FAM234B: variants seen among roughly 807,000 people sequenced by gnomAD.
FAM234B encodes protein FAM234B.
FAM234B carries 33 observed loss-of-function variants against 69.3 expected under a neutral mutation model. That is an observed-to-expected ratio of 0.48 (90% confidence interval 0.36 to 0.64). FAM234B has a LOEUF of 0.64. Ranked by LOEUF, FAM234B falls within the 30% of genes least tolerant of loss-of-function variation. FAM234B has a pLI of 0.00. For synonymous variants in FAM234B, 306 were observed against 306.9 expected, an observed-to-expected ratio of 1.00 and a Z score of 0.03; for missense variants, 697 against 769.7, an observed-to-expected ratio of 0.91 and a Z score of 1.12.
chr12:13,077,766 T>G (rs1177447594), intron 11 of FAM234B, among the ~76,000 whole-genome samples: 3 of 152,322 alleles, frequency 2.0e-5, no homozygotes, highest in Admixed American at 6.5e-5. Flanking sequence ...GCATGATTTA[T>G]AGTCTTTTGG....
chr12:13,068,506 A>C (rs1302371940), intron 8 of FAM234B, 59 bp downstream of exon 8: 14 of 1,603,180 alleles, frequency 8.7e-6, no homozygotes, highest in Non-Finnish European at 1.1e-5. Flanking sequence ...ATGTTTAAAA[A>C]TTGTCCAGGA....
chr12:13,058,549 G>C lies in FAM234B; in HGVS notation c.532G>C (p.Gly178Arg). 1 of 1,605,408 alleles carries C rather than the reference G, an allele frequency of 6.2e-7. No homozygotes were observed. Among genetic ancestry groups the C allele is most frequent in the Non-Finnish European group, 8.5e-7 (1 of 1,178,512 alleles). ...GATGTCAAGGAACGGGAGTGCAGTA[G>C]GTAAGAGACGTGTTTTTTTCAAGGC... ...FVMSRNGSAVGVSRPAANLVC... is the reference protein window; with the variant it reads ...FVMSRNGSAVRVSRPAANLVC... Residue 178 changes from glycine to arginine, a missense_variant and splice_region_variant, in exon 3 of 13, where the codon GGT (glycine) becomes CGT (arginine). Coordinates refer to ENST00000197268, the MANE Select transcript of FAM234B (RefSeq NM_020853.2).
chr12:13,065,169 A>G (rs1347734029), intron 5 of FAM234B, among the ~76,000 whole-genome samples: 1 of 152,156 alleles, frequency 6.6e-6, no homozygotes, highest in Non-Finnish European at 1.5e-5. Flanking sequence ...GCTTCCACTC[A>G]TTGTTCCAGC....
In FAM234B at chr12:13,044,673, CG is replaced by C. The variant is rs544689433; in HGVS notation, c.37+237del. On this transcript the variant is annotated intron_variant, in intron 1 of 12. Transcript: ENST00000197268. The surrounding 1 kb of genome is among the most constrained non-coding windows in gnomAD (Gnocchi z 5.6). ...GGCGCGGGGCGAACCCGGAGACGCG[CG>C]GGGAGAGGGCGCCGAGCAGGTGTTA... Among the ~76,000 whole-genome samples, 401 of 152,288 alleles carry C rather than the reference CG, an allele frequency of 2.6e-3. 1 individual carries two copies. Among genetic ancestry groups the C allele is most frequent in the African/African-American group, 9.2e-3 (384 of 41,566 alleles).
intron 11 of FAM234B, 125 bp downstream of exon 11, chr12:13,076,268 C>G: frequency 1.3e-6 from 1 of 752,796 alleles, no homozygotes; most frequent in Non-Finnish European, 2.3e-6. Context: ...CAGCAGGGCA[C>G]TTTCCCTGGT....
chr12:13,058,979 C>T (rs150611319), intron 3 of FAM234B, among the ~76,000 whole-genome samples: 332 of 152,318 alleles, frequency 2.2e-3, no homozygotes, highest in African/African-American at 7.8e-3. Flanking sequence ...ACACAAATAC[C>T]TCTTGGCCGG....
Position 13,082,942 on chromosome 12 carries a change from A to G in FAM234B, c.*2312A>G, listed in dbSNP as rs976974935. The G allele has an allele frequency of 1.3e-5, 2 of 152,222 alleles. No individual in the cohort carries two copies. Among genetic ancestry groups the G allele is most frequent in the Non-Finnish European group, 2.9e-5 (2 of 68,036 alleles). 9.4% of individuals were successfully genotyped at this position (152,222 alleles called of 1,614,324 possible). A position where few individuals can be genotyped will look rare whatever the true frequency, so the allele number is the denominator to read the frequency against. On this transcript the variant is annotated 3_prime_UTR_variant, in exon 13 of 13. Transcript: ENST00000197268. ...TAACATAGATTCTTTTGACTATGGT[A>G]AGTTTGAATCTCTCCTTGCCAAACA... is the stretch of plus-strand genomic sequence containing the variant.
intron 5 of FAM234B, among the ~76,000 whole-genome samples, chr12:13,066,011 C>T (rs529204392): frequency 6.6e-6 from 1 of 152,188 alleles, no homozygotes; most frequent in Non-Finnish European, 1.5e-5. Flanking sequence ...TGGCCCACTA[C>T]TTGTTTTTAT....
Position 13,048,230 on chromosome 12 carries a change from C to T in FAM234B, c.37+3790C>T, listed in dbSNP as rs535548585. Among the ~76,000 whole-genome samples the T allele has an allele frequency of 1.9e-4, 29 of 152,188 alleles. No homozygotes were observed. The South Asian group carries it at 2.3e-3, about 12-fold the overall frequency. On this transcript the variant is annotated intron_variant, in intron 1 of 12. Coordinates refer to ENST00000197268, the MANE Select transcript of FAM234B (RefSeq NM_020853.2). ...TCTGAGGACTTTTTAGATATTGCTC[C>T]GCTATCTTTTAATAGTGTATGTTAC...
chr12:13,077,148 T>G (rs765965373), intron 11 of FAM234B, among the ~76,000 whole-genome samples: 20 of 152,218 alleles, frequency 1.3e-4, no homozygotes, highest in Admixed American at 2.6e-4. Flanking sequence ...TGTGATTAGA[T>G]CTGAGTGAGC....
intron 10 of FAM234B, among the ~76,000 whole-genome samples, chr12:13,075,433 C>CTTTTTTTTTTTTT (rs59012504): frequency 7.3e-5 from 10 of 137,504 alleles, no homozygotes; most frequent in East Asian, 2.1e-4. Flanking sequence ...CTTTTCTTTT[C>CTTTTTTTTTTTTT]TTTTTTTTTT....
chr12:13,066,959 C>G, intron 6 of FAM234B, 172 bp downstream of exon 6: 1 of 896,744 alleles, frequency 1.1e-6, no homozygotes. Flanking sequence ...ACTCTGCCTT[C>G]CCTTGCTGCC....
At chr12:13,065,521 A>C (rs190398756) in intron 5 of FAM234B, among the ~76,000 whole-genome samples, 4 of 152,198 alleles carry the variant, frequency 2.6e-5, no homozygotes, top group Non-Finnish European at 4.4e-5. Context: ...ATTTTTTCTA[A>C]GATTTGCTTT....
In FAM234B at chr12:13,071,565, A is replaced by AC. The variant is rs1865107715; in HGVS notation, c.1524+170dup. 4.6e-5 allele frequency among the ~76,000 whole-genome samples: 7 copies of AC among 152,316 alleles called. No individual in the cohort carries two copies. The South Asian group carries it at 1.5e-3, about 32-fold the overall frequency. Reference sequence around the variant, plus strand: ...CAGGAACCCTGTGTCCTCCTGAGCCACACCTTTGCCTTTTAGCAGAGAATG... The same window carrying AC: ...CAGGAACCCTGTGTCCTCCTGAGCCACCACCTTTGCCTTTTAGCAGAGAATG... On this transcript the variant is annotated intron_variant, in intron 10 of 12. Transcript: ENST00000197268.
In FAM234B at chr12:13,067,176, T is replaced by C; in HGVS notation, c.1022T>C (p.Leu341Pro). Reference sequence around the variant, plus strand: ...CTAGGAAATATACAAGCTGTCGCACTGCGGGACATTTTTGTTCAGGCCCAA... The same window carrying C: ...CTAGGAAATATACAAGCTGTCGCACCGCGGGACATTTTTGTTCAGGCCCAA... ...FGFGNIQAVA[L>P]RDIFVQAQNR... The change falls in exon 7 of 13, where the codon CTG (leucine) becomes CCG (proline). Residue 341 changes from leucine (L) to proline (P), a missense_variant. Transcript: ENST00000197268. The surrounding 1 kb of genome is among the most constrained non-coding windows in gnomAD (Gnocchi z 4.7). 2.5e-6 allele frequency: 4 copies of C among 1,614,040 alleles called. No homozygotes were observed. The highest frequency in any genetic ancestry group is 1.1e-5 in the South Asian group (1 of 91,076).
Position 13,080,853 on chromosome 12 carries a change from C to A in FAM234B, c.*223C>A. The A allele has an allele frequency of 2.1e-6, 1 of 481,030 alleles. No individual in the cohort carries two copies. The highest frequency in any genetic ancestry group is 3.3e-5 in the East Asian group (1 of 30,378). 29.8% of individuals were successfully genotyped at this position (481,030 alleles called of 1,614,324 possible). A position where few individuals can be genotyped will look rare whatever the true frequency, so the allele number is the denominator to read the frequency against. On this transcript the variant is annotated 3_prime_UTR_variant, in exon 13 of 13. Coordinates refer to ENST00000197268, the MANE Select transcript of FAM234B (RefSeq NM_020853.2). ...ACCTTTTCAGTCCCTGCATTAATCC[C>A]CTCTAGGAACTCTGCGTGGATCGTT...
intron 5 of FAM234B, among the ~76,000 whole-genome samples, chr12:13,063,327 C>T (rs9804722): frequency 0.24 from 35,818 of 152,052 alleles, 5,113 homozygotes; most frequent in East Asian, 0.53. Flanking sequence ...TATCTACTTA[C>T]ATCATTGTTA....
chr12:13,050,581 A>G (rs1156895687), intron 1 of FAM234B, among the ~76,000 whole-genome samples: 1 of 152,198 alleles, frequency 6.6e-6, no homozygotes, highest in Non-Finnish European at 1.5e-5. Flanking sequence ...CAAGGGAGGT[A>G]GTATAACTTG....
chr12:13,044,470 G>A lies in FAM234B; in HGVS notation c.37+30G>A, dbSNP rs370875227. On this transcript the variant is annotated intron_variant, in intron 1 of 12. Transcript: ENST00000197268. This position sits in a 1 kb window ranked among gnomAD's most constrained non-coding sequence, Gnocchi z 5.6. ...GGAGTCGCATGCTTGCGACCACCCA[G>A]TCCCCGCCGGTGTTGGAATAAGGGG... 15 of 1,549,838 alleles carry A rather than the reference G, an allele frequency of 9.7e-6. No homozygotes were observed. In the East Asian group the frequency reaches 3.7e-4, roughly 38 times the overall value.
Sources: gnomAD v4.1 joint callset for allele counts (sites outside exome capture counted in the v4.1 genomes callset) on GRCh38, gnomAD v4.1.1 for gene constraint, Gnocchi (gnomAD v3.1) non-coding constraint, MANE v1.5 for transcripts, NCBI Gene and HGNC (gene_info 2026-07-23, HGNC 2026-07-21) for gene names.